The following GAPVD1 variants were observed in gnomAD, a reference collection of about 807,000 sequenced individuals.
GAPVD1 encodes the protein GTPase activating protein and VPS9 domains 1.
A neutral mutation model predicts 155.5 loss-of-function variants in GAPVD1; 35 were observed. The observed-to-expected ratio is 0.23, with a 90% CI of 0.17 to 0.30. GAPVD1 has a LOEUF of 0.30. GAPVD1 is among the 10% of genes least tolerant of loss of function. The pLI, the probability that GAPVD1 is intolerant of heterozygous loss-of-function variation, is 1.00. For synonymous variants in GAPVD1, 636 were observed against 619.7 expected (o/e 1.03, Z -0.39); for missense variants, 1,429 against 1,775.7 (o/e 0.80, Z 3.51).
chr9:125,354,506 A>G (rs2132508745), intron 23 of GAPVD1, 148 bp from the exon 24 acceptor site: 4 of 546,244 alleles, frequency 7.3e-6, no homozygotes, highest in Admixed American at 3.0e-5. Context: ...GCTACTTTGT[A>G]TATGTGCTAC....
intron 25 of GAPVD1, among the ~76,000 whole-genome samples, chr9:125,358,672 CT>C (rs1750395463): frequency 6.6e-6 from 1 of 152,208 alleles, no homozygotes. Flanking sequence ...TGTTTATGGT[CT>C]CACAGTGTTT....
intron 2 of GAPVD1, among the ~76,000 whole-genome samples, chr9:125,272,731 G>C (rs148021132): frequency 1.3e-5 from 2 of 152,288 alleles, no homozygotes; most frequent in African/African-American, 4.8e-5. Context: ...CCACAGTAAT[G>C]ATGGTAACGC....
intron 12 of GAPVD1, among the ~76,000 whole-genome samples, chr9:125,328,778 C>T (rs1026193170): frequency 3.3e-5 from 5 of 151,740 alleles, no homozygotes; most frequent in African/African-American, 9.7e-5. Context: ...TAGGGGCGGC[C>T]GGGCAGAGGC....
At chr9:125,310,108 A>G in intron 8 of GAPVD1, 1 of 241,086 alleles carries the variant, frequency 4.1e-6, no homozygotes. Flanking sequence ...CTTTATGTAA[A>G]TTGCTACATA....
intron 3 of GAPVD1, among the ~76,000 whole-genome samples, chr9:125,298,655 A>AT (rs1321964844): frequency 2.0e-5 from 3 of 151,716 alleles, no homozygotes; most frequent in Admixed American, 2.0e-4. Flanking sequence ...CACCTGGCTA[A>AT]TTTTTTGTGT....
intron 2 of GAPVD1, among the ~76,000 whole-genome samples, chr9:125,271,426 A>G (rs1834900723): frequency 1.3e-5 from 2 of 152,202 alleles, no homozygotes; most frequent in African/African-American, 4.8e-5. Context: ...CAGAAAAAAG[A>G]CAAAACAAAA....
At chr9:125,310,053 A>G (rs1293780888) in intron 8 of GAPVD1, 2 of 364,394 alleles carry the variant, frequency 5.5e-6, no homozygotes, top group Non-Finnish European at 1.2e-5. Flanking sequence ...AATTTTATTT[A>G]AGAAATAGTT....
intron 24 of GAPVD1, 96 bp from the exon 25 acceptor site, chr9:125,355,548 A>C (rs1849948474): frequency 1.3e-6 from 1 of 751,564 alleles, no homozygotes. Flanking sequence ...TGGTGTCTGC[A>C]TAGCTAGTGA....
At chr9:125,273,233 T>A (rs1429502345) in intron 2 of GAPVD1, among the ~76,000 whole-genome samples, 2 of 152,202 alleles carry the variant, frequency 1.3e-5, no homozygotes, top group African/African-American at 2.4e-5. Flanking sequence ...ATTTCTAGAT[T>A]GGTTGGATAC....
intron 13 of GAPVD1, among the ~76,000 whole-genome samples, chr9:125,330,892 C>T (rs978575160): frequency 5.9e-5 from 9 of 152,120 alleles, no homozygotes; most frequent in African/African-American, 2.2e-4. Flanking sequence ...TTGGTAAACA[C>T]ATTTAGATTT....
At chr9:125,337,751 A>T (rs542065086) in intron 17 of GAPVD1, among the ~76,000 whole-genome samples, 160 bp downstream of exon 17, 1 of 152,232 alleles carries the variant, frequency 6.6e-6, no homozygotes, top group Admixed American at 6.5e-5. Flanking sequence ...TAACCGCAGG[A>T]AACCTGTACA....
chr9:125,284,479 CT>C (rs113448662), intron 2 of GAPVD1, among the ~76,000 whole-genome samples: 1,877 of 144,532 alleles, frequency 0.013, 23 homozygotes, highest in African/African-American at 0.037. Context: ...CGCCTGGCAA[CT>C]TTTTTTTTTT....
rs527457129 is a variant in GAPVD1 at position 125,337,442 on chromosome 9, C to T, written c.2728C>T (p.Arg910Trp). The T allele has an allele frequency of 1.3e-4, 208 of 1,614,130 alleles. No individual in the cohort carries two copies. The highest frequency in any genetic ancestry group is 2.5e-4 in the South Asian group (23 of 91,086). ...SRSSDIVSSV[R>W]RPMSDPSWNR... The stretch of plus-strand genomic sequence containing the variant: ...GAGCTCTGATATAGTATCTTCTGTC[C>T]GGAGACCCATGAGTGACCCCAGCTG... Residue 910 changes from arginine to tryptophan, a missense_variant, in exon 17 of 28, where the codon CGG becomes TGG. This residue lies in a region of GAPVD1 where 699 missense variants were observed against 826.0 expected (regional missense o/e 0.85). Transcript: ENST00000297933.
chr9:125,279,995 C>T (rs968713218), intron 2 of GAPVD1, among the ~76,000 whole-genome samples: 4 of 151,526 alleles, frequency 2.6e-5, no homozygotes, highest in Non-Finnish European at 5.9e-5. Context: ...CTCCCGACGT[C>T]AGGTGATCCA....
chr9:125,332,749 GTATC>G, intron 15 of GAPVD1, 120 bp downstream of exon 15: 1 of 794,160 alleles, frequency 1.3e-6, no homozygotes, highest in East Asian at 2.6e-5. Flanking sequence ...TACTTTGTCA[GTATC>G]TATTTAAGGT....
intron 15 of GAPVD1, chr9:125,335,080 G>T (rs1846683211): frequency 1.7e-6 from 1 of 594,898 alleles, no homozygotes; most frequent in Non-Finnish European, 3.1e-6. Context: ...TTCTCAAGAT[G>T]TGGTAGAGTA....
chr9:125,346,182 T>A (rs1848499583), intron 19 of GAPVD1: 1 of 153,094 alleles, frequency 6.5e-6, no homozygotes, highest in Admixed American at 6.5e-5. Flanking sequence ...TCTCTATGCA[T>A]CTCAGGTACA....
At chr9:125,318,256 G>A (rs1843740541) in intron 9 of GAPVD1, among the ~76,000 whole-genome samples, 1 of 152,178 alleles carries the variant, frequency 6.6e-6, no homozygotes, top group Non-Finnish European at 1.5e-5. Flanking sequence ...CAAAGTGTTG[G>A]GATTAGAGGC....
intron 2 of GAPVD1, among the ~76,000 whole-genome samples, chr9:125,286,269 A>G (rs1382872553): frequency 2.6e-5 from 4 of 152,148 alleles, no homozygotes; most frequent in African/African-American, 9.6e-5. Context: ...GTGCGCCACC[A>G]TGCCCAGCAA....
Sources: allele counts gnomAD v4.1 joint callset (sites outside exome capture counted in the v4.1 genomes callset), GRCh38; gene constraint gnomAD v4.1.1; regional missense constraint gnomAD v4.1.1; transcripts MANE v1.5; gene names NCBI Gene and HGNC (gene_info 2026-07-23, HGNC 2026-07-21).